Variants in BUB1B observed in about 807,000 individuals in gnomAD.
BUB1B encodes mitotic checkpoint serine/threonine-protein kinase BUB1 beta.
A neutral mutation model predicts 137.7 loss-of-function variants in BUB1B; 86 were observed. The ratio of observed to expected loss-of-function variants is 0.62; its 90% CI spans 0.52 to 0.75. The LOEUF (loss-of-function observed/expected upper bound fraction) is 0.75, where lower values mean the gene tolerates loss of function less well. BUB1B is among the 30% of genes least tolerant of loss of function. BUB1B has a pLI of 0.00. For missense variants in BUB1B, 1,130 were observed against 1,236.9 expected, an observed-to-expected ratio of 0.91 and a Z score of 1.30; for synonymous variants, 420 against 417.9, an observed-to-expected ratio of 1.00 and a Z score of -0.06.
chr15:40,203,304 G>C (rs187818407), intron 14 of BUB1B, among the ~76,000 whole-genome samples: 1 of 152,178 alleles, frequency 6.6e-6, no homozygotes, highest in East Asian at 1.9e-4. Flanking sequence ...CAGATACAAA[G>C]ACCACATACT....
Position 40,176,640 on chromosome 15 carries a change from C to T in BUB1B, c.548C>T (p.Ala183Val). ...AIFQEGIQQKAEPLERLQSQH... is the reference protein window; with the variant it reads ...AIFQEGIQQKVEPLERLQSQH... ...TTTCAGGAAGGGATTCAACAGAAGG[C>T]TGAACCACTAGAAAGACTACAGTCC... The change falls in exon 5 of 23, where the codon GCT (alanine) becomes GTT (valine). Residue 183 changes from alanine to valine, a missense_variant. Transcript: ENST00000287598. The T allele has an allele frequency of 6.2e-7, 1 of 1,614,116 alleles. No individual in the cohort carries two copies. Among genetic ancestry groups the T allele is most frequent in the South Asian group, 1.1e-5 (1 of 91,084 alleles).
chr15:40,176,017 T>C (rs2037219412), intron 4 of BUB1B, among the ~76,000 whole-genome samples: 1 of 152,082 alleles, frequency 6.6e-6, no homozygotes, highest in South Asian at 2.1e-4. Context: ...GGCACCATCA[T>C]AGTTCACTGC....
At chr15:40,220,212 T>C (rs2037877896) in intron 22 of BUB1B, among the ~76,000 whole-genome samples, 1 of 152,236 alleles carries the variant, frequency 6.6e-6, no homozygotes, top group African/African-American at 2.4e-5. Flanking sequence ...AAAGGAGCTG[T>C]AGCCTTTTTA....
At chr15:40,210,026 T>G (rs2037691235) in intron 17 of BUB1B, 84 bp from the exon 18 acceptor site, 1 of 1,165,858 alleles carries the variant, frequency 8.6e-7, no homozygotes, top group South Asian at 1.3e-5. Context: ...CACCAGTGCC[T>G]CTATCCCTTA....
At chr15:40,173,379 T>C (rs1403275179) in intron 4 of BUB1B, among the ~76,000 whole-genome samples, 1 of 151,816 alleles carries the variant, frequency 6.6e-6, no homozygotes, top group Non-Finnish European at 1.5e-5. Context: ...TTATATTTAA[T>C]TGGAGTTGTT....
At chr15:40,183,168 C>G (rs1333196198) in intron 5 of BUB1B, among the ~76,000 whole-genome samples, 1 of 152,162 alleles carries the variant, frequency 6.6e-6, no homozygotes, top group African/African-American at 2.4e-5. Flanking sequence ...AAAACTGTGG[C>G]AGCAGCATAG....
chr15:40,173,394 G>A (rs773498266), intron 4 of BUB1B, among the ~76,000 whole-genome samples: 3 of 148,824 alleles, frequency 2.0e-5, no homozygotes, highest in Non-Finnish European at 4.5e-5. Context: ...GTTGTTAAAA[G>A]TAACAATTAA....
At position 40,173,900 on chromosome 15, in the gene BUB1B, T is replaced by C. The variant is rs2037194089; in HGVS notation, c.385-2577T>C. 1.0e-5 allele frequency: 4 copies of C among 395,136 alleles called. No homozygotes were observed. The Admixed American group carries it at 1.5e-4, about 15-fold the overall frequency. The allele number at this position is 395,136 out of a possible 1,614,324, so 24.5% of individuals were successfully genotyped here. ...TCGCTTTGCAGAAGGATTTCTCCAG[T>C]CAGTTATTTTATGTGACTCCTACAG... is the stretch of plus-strand genomic sequence containing the variant. On this transcript the variant is annotated intron_variant, in intron 4 of 22. Transcript: ENST00000287598.
intron 21 of BUB1B, 47 bp from the exon 22 acceptor site, chr15:40,218,409 T>G: frequency 7.3e-7 from 1 of 1,372,138 alleles, no homozygotes; most frequent in Non-Finnish European, 1.0e-6. Flanking sequence ...GCTGCCATGG[T>G]AGAGGCAGAG....
In BUB1B at chr15:40,202,476, T is replaced by C. The variant is rs2037584139; in HGVS notation, c.1628+11T>C. 6.2e-7 allele frequency: 1 copy of C among 1,608,892 alleles called. No individual in the cohort carries two copies. The highest frequency in any genetic ancestry group is 8.5e-7 in the Non-Finnish European group (1 of 1,176,236). ...AAAGAAGAATAAAAGGTACGTTGTTTTTTTGTTTTTTTGGTTTTTTTTTAC... is the reference window on the plus strand; with the variant it reads ...AAAGAAGAATAAAAGGTACGTTGTTCTTTTGTTTTTTTGGTTTTTTTTTAC... On this transcript the variant is annotated intron_variant, in intron 13 of 22. Coordinates refer to ENST00000287598, the MANE Select transcript of BUB1B (RefSeq NM_001211.6).
chr15:40,167,854 A>G (rs2037119357), intron 2 of BUB1B, among the ~76,000 whole-genome samples: 1 of 150,960 alleles, frequency 6.6e-6, no homozygotes, highest in African/African-American at 2.4e-5. Flanking sequence ...TGTGTGGGTT[A>G]TTTCTGGACT....
At chr15:40,213,567 A>T in intron 20 of BUB1B, 93 bp downstream of exon 20, 1 of 1,396,366 alleles carries the variant, frequency 7.2e-7, no homozygotes, top group Non-Finnish European at 1.0e-6. Flanking sequence ...CGAGGGTCTC[A>T]CTCTGTCACC....
chr15:40,171,676 C>G (rs1396778091), intron 4 of BUB1B, among the ~76,000 whole-genome samples: 1 of 152,126 alleles, frequency 6.6e-6, no homozygotes, highest in South Asian at 2.1e-4. Context: ...TCTGGTATCC[C>G]TTTCACTCCT....
intron 7 of BUB1B, 74 bp downstream of exon 7, chr15:40,185,453 C>T (rs2037348797): frequency 1.3e-6 from 2 of 1,590,458 alleles, no homozygotes; most frequent in South Asian, 1.1e-5. Context: ...GTATTTTTAC[C>T]ATCTCTTTTA....
intron 22 of BUB1B, among the ~76,000 whole-genome samples, chr15:40,219,952 T>C (rs915964835): frequency 6.6e-6 from 1 of 152,148 alleles, no homozygotes; most frequent in East Asian, 1.9e-4. Flanking sequence ...TGAAATACAA[T>C]GTAAGACATA....
At chr15:40,203,161 A>T (rs2037595873) in intron 14 of BUB1B, among the ~76,000 whole-genome samples, 1 of 152,254 alleles carries the variant, frequency 6.6e-6, no homozygotes, top group Admixed American at 6.5e-5. Context: ...AATGTCCATC[A>T]ACTGATGAAT....
intron 20 of BUB1B, among the ~76,000 whole-genome samples, chr15:40,217,240 G>A (rs1595538583): frequency 6.6e-6 from 1 of 152,206 alleles, no homozygotes; most frequent in African/African-American, 2.4e-5. Flanking sequence ...TAATATGGAA[G>A]CTTGATAAAT....
intron 2 of BUB1B, among the ~76,000 whole-genome samples, chr15:40,168,822 A>ATATT (rs1430127819): frequency 6.6e-6 from 1 of 152,084 alleles, no homozygotes; most frequent in Non-Finnish European, 1.5e-5. Flanking sequence ...ATTTTATTCA[A>ATATT]TATTAGTTTC....
At chr15:40,198,818 C>T (rs2037529628) in intron 9 of BUB1B, among the ~76,000 whole-genome samples, 1 of 152,134 alleles carries the variant, frequency 6.6e-6, no homozygotes, top group Non-Finnish European at 1.5e-5. Flanking sequence ...CATGGCCAAG[C>T]ATGGTAGCAT....
Sources: allele counts gnomAD v4.1 joint callset (sites outside exome capture counted in the v4.1 genomes callset), GRCh38; gene constraint gnomAD v4.1.1; transcripts MANE v1.5; gene names NCBI Gene and HGNC (gene_info 2026-07-23, HGNC 2026-07-21).